Variants in TBCD observed in about 807,000 individuals in gnomAD.
TBCD encodes tubulin-specific chaperone D.
TBCD carries 105 observed loss-of-function variants against 169.3 expected under a neutral mutation model. That is an observed-to-expected ratio of 0.62 (90% CI 0.53 to 0.73). The LOEUF (loss-of-function observed/expected upper bound fraction) is 0.73, where lower values mean the gene tolerates loss of function less well. Ranked by LOEUF, TBCD falls within the 30% of genes least tolerant of loss-of-function variation. The pLI is 0.00. For missense variants in TBCD, 1,444 were observed against 1,600.1 expected, an observed-to-expected ratio of 0.90 and a Z score of 1.66; for synonymous variants, 700 against 643.9, an observed-to-expected ratio of 1.09 and a Z score of -1.32.
At chr17:82,752,642 G>C (rs896251287) in intron 1 of TBCD, among the ~76,000 whole-genome samples, 1 of 152,154 alleles carries the variant, frequency 6.6e-6, no homozygotes, top group Non-Finnish European at 1.5e-5. Context: ...ACGGGGTGAA[G>C]CCTCTGCGGC....
chr17:82,841,219 G>A (rs2054498317), intron 13 of TBCD, among the ~76,000 whole-genome samples: 1 of 151,930 alleles, frequency 6.6e-6, no homozygotes, highest in African/African-American at 2.4e-5. Context: ...TTGGATTACA[G>A]GTGTGAGCCA....
chr17:82,937,467 C>T (rs1192401489), intron 35 of TBCD, 107 bp downstream of exon 35: 3 of 948,628 alleles, frequency 3.2e-6, no homozygotes, highest in African/African-American at 3.3e-5. Context: ...GTTAGTGTTA[C>T]TCCTCAAGCT....
chr17:82,780,746 G>A (rs1488823519), intron 6 of TBCD, among the ~76,000 whole-genome samples: 7 of 142,106 alleles, frequency 4.9e-5, no homozygotes, highest in Non-Finnish European at 7.5e-5. Context: ...CCGGGTTCAC[G>A]CGATTCTCTG....
At chr17:82,846,216 C>T (rs963721388) in intron 13 of TBCD, among the ~76,000 whole-genome samples, 51 of 86,586 alleles carry the variant, frequency 5.9e-4, no homozygotes, top group African/African-American at 8.0e-4. Context: ...CGGCATGCCA[C>T]GTCCCCTCGT....
intron 17 of TBCD, among the ~76,000 whole-genome samples, chr17:82,899,122 C>CCACCA (rs1233631475): frequency 6.6e-6 from 1 of 151,748 alleles, no homozygotes; most frequent in Non-Finnish European, 1.5e-5. Context: ...GCGCGTGTGT[C>CCACCA]CTCAGTGCAT....
chr17:82,829,785 T>C (rs2053309990), intron 13 of TBCD: 1 of 229,298 alleles, frequency 4.4e-6, no homozygotes, highest in Non-Finnish European at 8.6e-6. Context: ...ACATCAAATA[T>C]GCAGCTAGAG....
At chr17:82,863,664 C>T (rs1037393631) in intron 13 of TBCD, among the ~76,000 whole-genome samples, 1 of 152,154 alleles carries the variant, frequency 6.6e-6, no homozygotes, top group Non-Finnish European at 1.5e-5. Flanking sequence ...CCCCTGAGCT[C>T]AGCATTGACC....
At chr17:82,861,201 G>A (rs1481337666) in intron 13 of TBCD, among the ~76,000 whole-genome samples, 1 of 152,170 alleles carries the variant, frequency 6.6e-6, no homozygotes, top group African/African-American at 2.4e-5. Flanking sequence ...GGCAGGCCCC[G>A]GTGGTCAGGG....
rs771100167 is a variant in TBCD, at chr17:82,831,376, G to A, written c.1318+16442G>A. The A allele has an allele frequency of 1.5e-5, 25 of 1,614,182 alleles. No individual in the cohort carries two copies. The highest frequency in any genetic ancestry group is 2.1e-5 in the Non-Finnish European group (25 of 1,180,030). On this transcript the variant is annotated intron_variant, in intron 13 of 38. Coordinates refer to ENST00000355528, the MANE Select transcript of TBCD (RefSeq NM_005993.5). This position sits in a 1 kb window ranked among gnomAD's most constrained non-coding sequence, Gnocchi z 4.6. ...CGAAGGGTTTAACCTGGAAGGACTC[G>A]AGGCTGGATAGACCAGGGTGGCTTC...
chr17:82,855,288 G>A (rs1023422867), intron 13 of TBCD, among the ~76,000 whole-genome samples: 73 of 119,572 alleles, frequency 6.1e-4, no homozygotes, highest in Non-Finnish European at 1.0e-3. Flanking sequence ...TTAGAGCCAG[G>A]GTCACTCTGT....
At chr17:82,804,913 G>A (rs1304385408) in intron 9 of TBCD, among the ~76,000 whole-genome samples, 2 of 152,228 alleles carry the variant, frequency 1.3e-5, no homozygotes, top group African/African-American at 4.8e-5. Flanking sequence ...TTCGAAGCAG[G>A]TTGATGGCAT....
chr17:82,805,302 C>T (rs2050876676), intron 9 of TBCD, among the ~76,000 whole-genome samples: 1 of 152,224 alleles, frequency 6.6e-6, no homozygotes, highest in African/African-American at 2.4e-5. Flanking sequence ...GACCAGGAGC[C>T]AGGTCCCAGG....
At chr17:82,888,270 C>T (rs375753244) in intron 15 of TBCD, among the ~76,000 whole-genome samples, 63 of 152,328 alleles carry the variant, frequency 4.1e-4, no homozygotes, top group African/African-American at 1.3e-3. Context: ...GGCTGTGCTG[C>T]GATGCTGCTG....
At chr17:82,815,104 C>T (rs931807936) in intron 13 of TBCD, among the ~76,000 whole-genome samples, 170 bp downstream of exon 13, 9 of 152,308 alleles carry the variant, frequency 5.9e-5, no homozygotes, top group African/African-American at 1.2e-4. Flanking sequence ...CCCATCTCCG[C>T]GGTGTGGCCC....
rs1047794343 is a variant in TBCD at position 82,915,900 on chromosome 17, G to A, written c.2038+4111G>A. On this transcript the variant is annotated intron_variant, in intron 23 of 38. Transcript: ENST00000355528. This position sits in a 1 kb window ranked among gnomAD's most constrained non-coding sequence, Gnocchi z 4.3. Reference sequence around the variant, plus strand: ...TTCCTGCTGTGGGGGTGAGGGCTCCGTGCTCCATCTCTGATGCCCTGTACA... The same window carrying A: ...TTCCTGCTGTGGGGGTGAGGGCTCCATGCTCCATCTCTGATGCCCTGTACA... 2.0e-5 allele frequency among the ~76,000 whole-genome samples: 3 copies of A among 152,164 alleles called. No homozygotes were observed. Among genetic ancestry groups the A allele is most frequent in the Admixed American group, 6.5e-5 (1 of 15,280 alleles).
intron 7 of TBCD, among the ~76,000 whole-genome samples, chr17:82,781,945 C>T (rs1442461136): frequency 6.6e-6 from 1 of 152,216 alleles, no homozygotes; most frequent in Non-Finnish European, 1.5e-5. Flanking sequence ...CTTGGAGCCC[C>T]ACCTGTTGCC....
chr17:82,768,323 T>C, intron 4 of TBCD, 97 bp from the exon 5 acceptor site: 1 of 1,440,080 alleles, frequency 6.9e-7, no homozygotes, highest in Non-Finnish European at 9.6e-7. Flanking sequence ...TTCATAGGCA[T>C]TGGGTGGGCA....
In TBCD at chr17:82,864,997, C is replaced by T. The variant is rs917851026; in HGVS notation, c.1319-5227C>T. On this transcript the variant is annotated intron_variant, in intron 13 of 38. Transcript: ENST00000355528. This position sits in a 1 kb window ranked among gnomAD's most constrained non-coding sequence, Gnocchi z 6.3. Reference sequence around the variant, plus strand: ...AGTCTGTGCTTGCCCCACTGTGCAGCGTTGCAGGTGCAGCAGACATGAGGC... The same window carrying T: ...AGTCTGTGCTTGCCCCACTGTGCAGTGTTGCAGGTGCAGCAGACATGAGGC... Among the ~76,000 whole-genome samples, 3 of 152,188 alleles carry T rather than the reference C, an allele frequency of 2.0e-5. No individual in the cohort carries two copies. Among genetic ancestry groups the T allele is most frequent in the Non-Finnish European group, 4.4e-5 (3 of 68,022 alleles).
chr17:82,862,113 G>A (rs991069630), intron 13 of TBCD, among the ~76,000 whole-genome samples: 28 of 151,926 alleles, frequency 1.8e-4, no homozygotes, highest in Admixed American at 1.6e-3. Flanking sequence ...TAGTAGAGAC[G>A]GGGTTTCACC....
Sources: gnomAD v4.1 joint callset for allele counts (sites outside exome capture counted in the v4.1 genomes callset) on GRCh38, gnomAD v4.1.1 for gene constraint, Gnocchi (gnomAD v3.1) non-coding constraint, MANE v1.5 for transcripts, NCBI Gene and HGNC (gene_info 2026-07-23, HGNC 2026-07-21) for gene names.